VAT1L: variants seen among roughly 807,000 people sequenced by gnomAD.
VAT1L encodes the protein vesicle amine transport 1 like.
Under a neutral mutation model 44.1 loss-of-function variants are expected in VAT1L, and 34 were observed. That is an observed-to-expected ratio of 0.77 (90% CI 0.59 to 1.03). The LOEUF is 1.03. Ranked by LOEUF, VAT1L falls within the 50% of genes least tolerant of loss-of-function variation. VAT1L has a pLI of 0.00. For missense variants in VAT1L, 615 were observed against 538.8 expected, an observed-to-expected ratio of 1.14 and a Z score of -1.40; for synonymous variants, 253 against 202.2, an observed-to-expected ratio of 1.25 and a Z score of -2.13.
intron 3 of VAT1L, among the ~76,000 whole-genome samples, chr16:77,855,750 G>A (rs1199032087): frequency 2.6e-5 from 4 of 152,068 alleles, no homozygotes; most frequent in Admixed American, 6.6e-5. Context: ...ATATAGCACT[G>A]TAGTCACTCC....
At chr16:77,880,222 T>C (rs751963945) in intron 6 of VAT1L, among the ~76,000 whole-genome samples, 1 of 152,124 alleles carries the variant, frequency 6.6e-6, no homozygotes, top group Non-Finnish European at 1.5e-5. Flanking sequence ...CGTGGCATGG[T>C]CTCGGCTCAC....
At chr16:77,886,695 T>G (rs1180086877) in intron 7 of VAT1L, among the ~76,000 whole-genome samples, 1 of 152,200 alleles carries the variant, frequency 6.6e-6, no homozygotes, top group African/African-American at 2.4e-5. Flanking sequence ...TAGAAAATAC[T>G]GAAGTAAACA....
At chr16:77,862,157 C>T (rs1349960059) in intron 3 of VAT1L, among the ~76,000 whole-genome samples, 1 of 152,332 alleles carries the variant, frequency 6.6e-6, no homozygotes, top group South Asian at 2.1e-4. Flanking sequence ...TTCTTAACCA[C>T]AGGACATTTT....
intron 7 of VAT1L, among the ~76,000 whole-genome samples, chr16:77,913,580 G>T (rs768741348): frequency 1.3e-5 from 2 of 151,900 alleles, no homozygotes; most frequent in Non-Finnish European, 2.9e-5. Flanking sequence ...TTGCTTGTTA[G>T]TCTCCATTGT....
At chr16:77,867,396 C>G (rs1254336799) in intron 4 of VAT1L, among the ~76,000 whole-genome samples, 2 of 152,122 alleles carry the variant, frequency 1.3e-5, no homozygotes, top group South Asian at 2.1e-4. Context: ...TTAAAAAAAT[C>G]AAACAACATT....
intron 7 of VAT1L, chr16:77,892,732 AC>A: frequency 1.3e-6 from 1 of 745,640 alleles, no homozygotes; most frequent in Non-Finnish European, 2.5e-6. Flanking sequence ...CAAATACTGG[AC>A]CCAGCACAAA....
intron 7 of VAT1L, among the ~76,000 whole-genome samples, chr16:77,951,770 T>C (rs2018045735): frequency 6.6e-6 from 1 of 152,046 alleles, no homozygotes; most frequent in African/African-American, 2.4e-5. Flanking sequence ...GCTGACAAAG[T>C]TCTACTTTGA....
At chr16:77,813,403 G>T (rs1452391053) in intron 1 of VAT1L, among the ~76,000 whole-genome samples, 2 of 152,312 alleles carry the variant, frequency 1.3e-5, no homozygotes, top group South Asian at 4.1e-4. Context: ...GGACCACACA[G>T]GTAGTCCAAG....
chr16:77,951,134 G>A (rs1006700616), intron 7 of VAT1L, among the ~76,000 whole-genome samples: 2 of 152,192 alleles, frequency 1.3e-5, no homozygotes, highest in African/African-American at 4.8e-5. Flanking sequence ...GGCTGCACTG[G>A]CTGTTCAAAA....
At chr16:77,926,177 C>A (rs1406243457) in intron 7 of VAT1L, among the ~76,000 whole-genome samples, 1 of 148,508 alleles carries the variant, frequency 6.7e-6, no homozygotes, top group Non-Finnish European at 1.5e-5. Context: ...GGCGTGAACC[C>A]GGGAGGCGGA....
At chr16:77,854,748 T>C (rs938894494) in intron 3 of VAT1L, among the ~76,000 whole-genome samples, 1 of 152,230 alleles carries the variant, frequency 6.6e-6, no homozygotes. Context: ...ATTCTGCTAA[T>C]TCATTTCCAT....
intron 7 of VAT1L, among the ~76,000 whole-genome samples, chr16:77,946,135 C>CA (rs1044004224): frequency 4.0e-5 from 6 of 151,888 alleles, no homozygotes; most frequent in Middle Eastern, 3.4e-3. Flanking sequence ...TCACATTGTA[C>CA]AAAAAAATTT....
intron 7 of VAT1L, among the ~76,000 whole-genome samples, chr16:77,948,766 G>A (rs2018003436): frequency 1.3e-5 from 2 of 151,986 alleles, no homozygotes. Context: ...CTAGCTCTTT[G>A]ACATACTATG....
intron 7 of VAT1L, among the ~76,000 whole-genome samples, chr16:77,948,963 T>C (rs111596123): frequency 1.1e-3 from 175 of 152,286 alleles, no homozygotes; most frequent in African/African-American, 4.0e-3. Context: ...GCCATTAAAA[T>C]CACTGTCACT....
intron 7 of VAT1L, among the ~76,000 whole-genome samples, chr16:77,965,139 CTG>C (rs1178677745): frequency 2.0e-5 from 3 of 152,074 alleles, no homozygotes; most frequent in Non-Finnish European, 4.4e-5. Flanking sequence ...ATAAGGGAAA[CTG>C]TGATTCCCCC....
rs565483644 is a variant in VAT1L at position 77,914,085 on chromosome 16, A to G, written c.1077+29283A>G. ...ACTGCAGCCCAGAATCACATTAGACAATCTGAATTACAAAATAGATGCAGC... is the reference window on the plus strand; with the variant it reads ...ACTGCAGCCCAGAATCACATTAGACGATCTGAATTACAAAATAGATGCAGC... On this transcript the variant is annotated intron_variant, in intron 7 of 8. Coordinates refer to ENST00000302536, the MANE Select transcript of VAT1L (RefSeq NM_020927.3). 1.7e-3 allele frequency among the ~76,000 whole-genome samples: 256 copies of G among 152,332 alleles called. 1 individual carries two copies. Among genetic ancestry groups the G allele is most frequent in the African/African-American group, 5.8e-3 (240 of 41,582 alleles).
chr16:77,819,987 A>G (rs931351304), intron 2 of VAT1L, among the ~76,000 whole-genome samples: 8 of 152,176 alleles, frequency 5.3e-5, no homozygotes, highest in African/African-American at 1.9e-4. Context: ...CCCTTTACTA[A>G]TATTATACCC....
chr16:77,856,493 GC>G (rs1184893689), intron 3 of VAT1L, among the ~76,000 whole-genome samples: 1 of 152,130 alleles, frequency 6.6e-6, no homozygotes. Flanking sequence ...TATGTACCAG[GC>G]AGTGTAGTAA....
chr16:77,951,041 C>G (rs571941347), intron 7 of VAT1L, among the ~76,000 whole-genome samples: 1 of 152,148 alleles, frequency 6.6e-6, no homozygotes, highest in African/African-American at 2.4e-5. Context: ...CAGCAGCGCC[C>G]GCGGTCTTGG....
Sources: gnomAD v4.1 joint callset for allele counts (sites outside exome capture counted in the v4.1 genomes callset) on GRCh38, gnomAD v4.1.1 for gene constraint, MANE v1.5 for transcripts, NCBI Gene and HGNC (gene_info 2026-07-23, HGNC 2026-07-21) for gene names.